The following PCDH15 variants were observed in gnomAD, a reference collection of about 807,000 sequenced individuals.
PCDH15 encodes the protein protocadherin related 15, also known as protocadherin-15.
In PCDH15, 129 loss-of-function variants were observed where a neutral mutation model predicts 178.5. The ratio of observed to expected loss-of-function variants is 0.72; its 90% CI spans 0.63 to 0.84. The LOEUF (loss-of-function observed/expected upper bound fraction) is 0.84, where lower values mean the gene tolerates loss of function less well. PCDH15 is among the 40% of genes least tolerant of loss of function. The pLI is 0.00. For synonymous variants in PCDH15, 800 were observed against 732.0 expected (o/e 1.09, Z -1.50); for missense variants, 2,230 against 2,099.9 (o/e 1.06, Z -1.21).
At chr10:54,564,648 G>T (rs1025183777) in intron 2 of PCDH15, among the ~76,000 whole-genome samples, 1 of 151,968 alleles carries the variant, frequency 6.6e-6, no homozygotes, top group African/African-American at 2.4e-5. Flanking sequence ...TATTTTTATT[G>T]TTTTTTAGTG....
intron 3 of PCDH15, among the ~76,000 whole-genome samples, chr10:54,505,446 T>A (rs904786211): frequency 2.0e-5 from 3 of 152,160 alleles, no homozygotes; most frequent in African/African-American, 7.2e-5. Context: ...TGCCAAAACA[T>A]GTCCCCCTTC....
intron 2 of PCDH15, among the ~76,000 whole-genome samples, chr10:54,539,971 A>G (rs1327323751): frequency 1.3e-5 from 2 of 152,166 alleles, no homozygotes; most frequent in Non-Finnish European, 2.9e-5. Flanking sequence ...GACACGCAAA[A>G]TACCAACATC....
chr10:54,788,985 T>C (rs781233957), intron 1 of PCDH15, among the ~76,000 whole-genome samples: 4 of 151,872 alleles, frequency 2.6e-5, no homozygotes, highest in Admixed American at 6.6e-5. Flanking sequence ...AAAGAAGATA[T>C]TTATATTCCC....
At chr10:55,149,124 G>T (rs1043770904) in intron 2 of PCDH15, among the ~76,000 whole-genome samples, 1 of 151,114 alleles carries the variant, frequency 6.6e-6, no homozygotes, top group Non-Finnish European at 1.5e-5. Context: ...AAGCAATATT[G>T]CTTAAACACA....
chr10:55,340,032 A>T (rs1844508283), intron 2 of PCDH15, among the ~76,000 whole-genome samples: 2 of 151,684 alleles, frequency 1.3e-5, no homozygotes, highest in Non-Finnish European at 2.9e-5. Context: ...ATACAAAAGT[A>T]ACTCTCATTA....
At chr10:53,919,654 A>G (rs2133863179) in intron 25 of PCDH15, among the ~76,000 whole-genome samples, 1 of 152,264 alleles carries the variant, frequency 6.6e-6, no homozygotes, top group East Asian at 1.9e-4. Context: ...CAACATATAG[A>G]TGTAACTATT....
intron 3 of PCDH15, among the ~76,000 whole-genome samples, chr10:54,385,809 T>A (rs1293600396): frequency 6.6e-6 from 1 of 152,188 alleles, no homozygotes; most frequent in African/African-American, 2.4e-5. Context: ...CTAAAGGTCA[T>A]TTTATTCATT....
At chr10:55,422,896 C>T (rs1459246658) in intron 2 of PCDH15, among the ~76,000 whole-genome samples, 1 of 151,726 alleles carries the variant, frequency 6.6e-6, no homozygotes, top group Non-Finnish European at 1.5e-5. Flanking sequence ...CATAATTTTG[C>T]CTATCACTAT....
At chr10:55,304,991 T>C (rs1843382975) in intron 1 of PCDH15, among the ~76,000 whole-genome samples, 1 of 152,178 alleles carries the variant, frequency 6.6e-6, no homozygotes, top group African/African-American at 2.4e-5. Flanking sequence ...TTTTGAAGAA[T>C]CATAAAACCA....
chr10:55,268,124 G>A (rs773001693), intron 1 of PCDH15, among the ~76,000 whole-genome samples: 6 of 152,064 alleles, frequency 3.9e-5, no homozygotes, highest in Non-Finnish European at 5.9e-5. Context: ...CTACTTCTGT[G>A]CTATTTGTAT....
At chr10:55,145,371 C>T (rs754201591) in intron 2 of PCDH15, among the ~76,000 whole-genome samples, 36 of 151,722 alleles carry the variant, frequency 2.4e-4, no homozygotes, top group Admixed American at 4.6e-4. Flanking sequence ...AGGTTTATGA[C>T]GGATAGGGAA....
chr10:54,224,526 T>A (rs2053220446), intron 9 of PCDH15, among the ~76,000 whole-genome samples: 1 of 152,136 alleles, frequency 6.6e-6, no homozygotes, highest in African/African-American at 2.4e-5. Flanking sequence ...GGGTTTTATT[T>A]CTTTTTAGTC....
chr10:55,591,873 A>G (rs1842848553), intron 2 of PCDH15, among the ~76,000 whole-genome samples: 1 of 152,166 alleles, frequency 6.6e-6, no homozygotes, highest in Non-Finnish European at 1.5e-5. Context: ...TTAAATACTA[A>G]GATATACTGT....
chr10:54,716,785 A>G (rs1044655274), intron 1 of PCDH15, among the ~76,000 whole-genome samples: 1 of 151,618 alleles, frequency 6.6e-6, no homozygotes, highest in African/African-American at 2.4e-5. Flanking sequence ...GAACCAAAAA[A>G]GAGCCCGCAT....
rs149432994 is a variant in PCDH15 at position 54,408,241 on chromosome 10, T to C, written c.158-29299A>G. 6.7e-3 allele frequency among the ~76,000 whole-genome samples: 1,026 copies of C among 152,084 alleles called. 5 individuals carry two copies. Among genetic ancestry groups the C allele is most frequent in the African/African-American group, 0.022 (927 of 41,510 alleles). ...TTTTGCAGAAGTGTTAATGATGTTT[T>C]GAAGGTGACAATGTTATCCCACAAC... On this transcript the variant is annotated intron_variant, in intron 3 of 37. Coordinates refer to ENST00000644397, the MANE Select transcript of PCDH15 (RefSeq NM_001384140.1).
At position 54,782,183 on chromosome 10, in the gene PCDH15, G is replaced by T. The variant is rs367639217; in HGVS notation, c.-29+18742C>A. ...ACTCCAATAGCAGCGGTGATACAGT[G>T]AAAAGGTAAATTTTGAGGATGCGAT... is the stretch of plus-strand genomic sequence containing the variant. On this transcript the variant is annotated intron_variant, in intron 1 of 37. Coordinates refer to ENST00000644397, the MANE Select transcript of PCDH15 (RefSeq NM_001384140.1). Among the ~76,000 whole-genome samples, 6 of 152,194 alleles carry T rather than the reference G, an allele frequency of 3.9e-5. No homozygotes were observed. The East Asian group carries it at 1.2e-3, about 30-fold the overall frequency.
At chr10:53,907,055 T>C (rs1433602693) in intron 25 of PCDH15, 1 of 152,202 alleles carries the variant, frequency 6.6e-6, no homozygotes, top group Non-Finnish European at 1.5e-5. Context: ...ACACCTATAG[T>C]TAAATCACTA....
chr10:55,136,404 T>C (rs1424547455), intron 2 of PCDH15, among the ~76,000 whole-genome samples: 3 of 152,052 alleles, frequency 2.0e-5, no homozygotes, highest in Non-Finnish European at 2.9e-5. Context: ...ACCTCCCATA[T>C]TGACAATGAA....
chr10:54,696,572 T>A (rs1246726514), intron 1 of PCDH15, among the ~76,000 whole-genome samples: 1 of 152,042 alleles, frequency 6.6e-6, no homozygotes, highest in Non-Finnish European at 1.5e-5. Context: ...CAAACAGCAC[T>A]GAAATCTATG....
Sources: allele counts gnomAD v4.1 joint callset (sites outside exome capture counted in the v4.1 genomes callset), GRCh38; gene constraint gnomAD v4.1.1; transcripts MANE v1.5; gene names NCBI Gene and HGNC (gene_info 2026-07-23, HGNC 2026-07-21).